The following PCDHGC3 variants were observed in gnomAD, a reference collection of about 807,000 sequenced individuals.
The protein encoded by PCDHGC3 is protocadherin gamma-C3.
A neutral mutation model predicts 59.2 loss-of-function variants in PCDHGC3; 26 were observed. The observed-to-expected ratio is 0.44, with a 90% CI of 0.32 to 0.61. The LOEUF is 0.61. Ranked by LOEUF, PCDHGC3 falls within the 20% of genes least tolerant of loss-of-function variation. PCDHGC3 has a pLI of 0.05. For synonymous variants in PCDHGC3, 487 were observed against 519.7 expected, an observed-to-expected ratio of 0.94 and a Z score of 0.86; for missense variants, 1,080 against 1,221.8, an observed-to-expected ratio of 0.88 and a Z score of 1.73.
chr5:141,495,465 G>T (rs563411010), intron 2 of PCDHGC3, among the ~76,000 whole-genome samples: 11 of 152,298 alleles, frequency 7.2e-5, no homozygotes, highest in African/African-American at 2.4e-4. Flanking sequence ...TGTCTGTGGG[G>T]TCTCCGTGTC....
At position 141,511,397 on chromosome 5, in the gene PCDHGC3, C is replaced by A; in HGVS notation, c.*224C>A. ...AGCAGTTCCGCTGGGAACCCCCATC[C>A]AATCAACTGCTGTACCCATGGGGGT... On this transcript the variant is annotated 3_prime_UTR_variant, in exon 4 of 4. Coordinates refer to ENST00000308177, the MANE Select transcript of PCDHGC3 (RefSeq NM_002588.4). 1.0e-6 allele frequency: 1 copy of A among 1,002,376 alleles called. No individual in the cohort carries two copies. The highest frequency in any genetic ancestry group is 1.4e-6 in the Non-Finnish European group (1 of 705,546). 62.1% of individuals were successfully genotyped at this position (1,002,376 alleles called of 1,614,324 possible). A position where few individuals can be genotyped will look rare whatever the true frequency, so the allele number is the denominator to read the frequency against.
At chr5:141,492,548 C>A (rs1028674110) in intron 1 of PCDHGC3, among the ~76,000 whole-genome samples, 1 of 152,218 alleles carries the variant, frequency 6.6e-6, no homozygotes, top group Non-Finnish European at 1.5e-5. Flanking sequence ...TGGGCCGGGT[C>A]GCCTGGGGGG....
At chr5:141,498,467 G>C (rs535351060) in intron 2 of PCDHGC3, among the ~76,000 whole-genome samples, 1 of 152,116 alleles carries the variant, frequency 6.6e-6, no homozygotes, top group East Asian at 1.9e-4. Context: ...GTCTAACCCT[G>C]GTTCCAGCCT....
In PCDHGC3 at chr5:141,477,041, C is replaced by A; in HGVS notation, c.925C>A (p.Arg309=). 3 of 1,614,242 alleles carry A rather than the reference C, an allele frequency of 1.9e-6. No individual in the cohort carries two copies. Among genetic ancestry groups the A allele is most frequent in the Admixed American group, 1.7e-5 (1 of 60,036 alleles). ...LVTGMLTIKG[R]LDFEDTKLHE... is the part of the protein sequence containing the mutation. Reference sequence around the variant, plus strand: ...AACCGGGATGCTGACAATCAAGGGTCGGCTGGACTTCGAGGACACCAAACT... The same window carrying A: ...AACCGGGATGCTGACAATCAAGGGTAGGCTGGACTTCGAGGACACCAAACT... The change falls in exon 1 of 4, where the codon CGG becomes AGG. Residue 309 remains arginine (R), a synonymous_variant. Transcript: ENST00000308177. The surrounding 1 kb of genome is among the most constrained non-coding windows in gnomAD (Gnocchi z 4.9).
In PCDHGC3 at chr5:141,487,574, C is replaced by T. The variant is rs753979217; in HGVS notation, c.2431-7233C>T. ...TGCACCTATGGCAGGGGAGCCTGTTCGCCCAAGCTGCCCACCCTCTGATCT... is the reference window on the plus strand; with the variant it reads ...TGCACCTATGGCAGGGGAGCCTGTTTGCCCAAGCTGCCCACCCTCTGATCT... On this transcript the variant is annotated intron_variant, in intron 1 of 3. Transcript: ENST00000308177. This position sits in a 1 kb window ranked among gnomAD's most constrained non-coding sequence, Gnocchi z 5.0. 1.2e-5 allele frequency: 20 copies of T among 1,614,040 alleles called. 1 individual carries two copies. The highest frequency in any genetic ancestry group is 8.9e-5 in the East Asian group (4 of 44,870).
chr5:141,505,418 A>T lies in PCDHGC3; in HGVS notation c.2515A>T (p.Thr839Ser). 1 of 1,614,186 alleles carries T rather than the reference A, an allele frequency of 6.2e-7. No homozygotes were observed. Among genetic ancestry groups the T allele is most frequent in the East Asian group, 2.2e-5 (1 of 44,876 alleles). The change falls in exon 3 of 4, where the codon ACC becomes TCC. Residue 839 changes from threonine to serine, a missense_variant. By Grantham distance (58) the Thr-to-Ser change is moderately conservative. Coordinates refer to ENST00000308177, the MANE Select transcript of PCDHGC3 (RefSeq NM_002588.4). ...SGSQNGDDTG[T>S]WPNNQFDTEM... ...CTCCCAAAATGGCGATGACACCGGC[A>T]CCTGGCCCAACAACCAGTTTGACAC...
rs1265422100 is a variant in PCDHGC3 at position 141,490,199 on chromosome 5, C to A, written c.2431-4608C>A. On this transcript the variant is annotated intron_variant, in intron 1 of 3. Transcript: ENST00000308177. This position sits in a 1 kb window ranked among gnomAD's most constrained non-coding sequence, Gnocchi z 5.4. The stretch of plus-strand genomic sequence containing the variant: ...GAGTCACGTTTCTATGAAATTCATG[C>A]AAGAGCCCGTGACCAGGGACAGCCT... The A allele has an allele frequency of 1.9e-6, 3 of 1,614,184 alleles. No homozygotes were observed. The highest frequency in any genetic ancestry group is 2.5e-6 in the Non-Finnish European group (3 of 1,180,024).
chr5:141,485,278 C>T lies in PCDHGC3; in HGVS notation c.2430+6732C>T. On this transcript the variant is annotated intron_variant, in intron 1 of 3. Transcript: ENST00000308177. The surrounding 1 kb of genome is among the most constrained non-coding windows in gnomAD (Gnocchi z 5.7). ...TTTGTGGGCAGATCCGCTACCCGGTCCCAGAGGAGTCACAGGAAGGGACTT... is the reference window on the plus strand; with the variant it reads ...TTTGTGGGCAGATCCGCTACCCGGTTCCAGAGGAGTCACAGGAAGGGACTT... 1 of 1,614,064 alleles carries T rather than the reference C, an allele frequency of 6.2e-7. No homozygotes were observed. The highest frequency in any genetic ancestry group is 1.1e-5 in the South Asian group (1 of 91,080).
Position 141,490,008 on chromosome 5 carries a change from C to T in PCDHGC3, c.2431-4799C>T. 6.2e-7 allele frequency: 1 copy of T among 1,614,230 alleles called. No homozygotes were observed. ...GTGTGGGAATCCCAGAGAATGCACC[C>T]ATTGGTACTCTGCTGCTCCGCCTCA... On this transcript the variant is annotated intron_variant, in intron 1 of 3. Transcript: ENST00000308177. This position sits in a 1 kb window ranked among gnomAD's most constrained non-coding sequence, Gnocchi z 5.4.
intron 3 of PCDHGC3, among the ~76,000 whole-genome samples, chr5:141,509,429 T>G (rs2099876771): frequency 6.6e-6 from 1 of 151,964 alleles, no homozygotes; most frequent in Non-Finnish European, 1.5e-5. Context: ...TGAGTCAAAC[T>G]CTTGTTTCCT....
intron 1 of PCDHGC3, among the ~76,000 whole-genome samples, chr5:141,483,432 A>G (rs756227206): frequency 2.0e-5 from 3 of 152,200 alleles, no homozygotes; most frequent in African/African-American, 4.8e-5. Flanking sequence ...GAGGGAGCTG[A>G]CTACAATAAA....
rs371139792 is a variant in PCDHGC3 at position 141,490,160 on chromosome 5, C to A, written c.2431-4647C>A. On this transcript the variant is annotated intron_variant, in intron 1 of 3. Transcript: ENST00000308177. This position sits in a 1 kb window ranked among gnomAD's most constrained non-coding sequence, Gnocchi z 5.4. The stretch of plus-strand genomic sequence containing the variant: ...AGTGGGGCAATCCATGTGTTGGGTC[C>A]CATAGACTTTGAGGAGTCACGTTTC... The A allele has an allele frequency of 5.6e-6, 9 of 1,614,192 alleles. No homozygotes were observed. The highest frequency in any genetic ancestry group is 7.6e-6 in the Non-Finnish European group (9 of 1,180,016).
intron 2 of PCDHGC3, among the ~76,000 whole-genome samples, chr5:141,495,262 A>G (rs550950979): frequency 1.3e-5 from 2 of 152,246 alleles, no homozygotes; most frequent in South Asian, 2.1e-4. Flanking sequence ...GCAGAAAAGC[A>G]TTTGACCGGA....
At position 141,490,646 on chromosome 5, in the gene PCDHGC3, C is replaced by G. The variant is rs202183643; in HGVS notation, c.2431-4161C>G. The G allele has an allele frequency of 8.7e-6, 14 of 1,614,068 alleles. No homozygotes were observed. In the African/African-American group the frequency reaches 1.7e-4, roughly 20 times the overall value. ...GCTTACATCCTAGAAAACCGGCCTC[C>G]GGGCTCCCTTCTTTGCACTGTGGCT... On this transcript the variant is annotated intron_variant, in intron 1 of 3. Coordinates refer to ENST00000308177, the MANE Select transcript of PCDHGC3 (RefSeq NM_002588.4). This position sits in a 1 kb window ranked among gnomAD's most constrained non-coding sequence, Gnocchi z 5.4.
chr5:141,494,832 G>T lies in PCDHGC3; in HGVS notation c.2456G>T (p.Arg819Leu). 1 of 1,614,066 alleles carries T rather than the reference G, an allele frequency of 6.2e-7. No homozygotes were observed. ...CAAGCCCCGCCCAACACGGACTGGCGTTTCTCTCAGGCCCAGAGACCCGGC... is the reference window on the plus strand; with the variant it reads ...CAAGCCCCGCCCAACACGGACTGGCTTTTCTCTCAGGCCCAGAGACCCGGC... The part of the protein sequence containing the change: ...GQQAPPNTDW[R>L]FSQAQRPGTS... The change falls in exon 2 of 4, where the codon CGT becomes CTT. Residue 819 changes from arginine to leucine, a missense_variant. Transcript: ENST00000308177.
chr5:141,479,703 C>T (rs1219257838), intron 1 of PCDHGC3: 1 of 152,182 alleles, frequency 6.6e-6, no homozygotes, highest in African/African-American at 2.4e-5. Context: ...AGTGTTAGTC[C>T]CTGTCCTTCC....
At position 141,486,481 on chromosome 5, in the gene PCDHGC3, T is replaced by C. The variant is rs1562112794; in HGVS notation, c.2430+7935T>C. 1 of 1,614,036 alleles carries C rather than the reference T, an allele frequency of 6.2e-7. No individual in the cohort carries two copies. The highest frequency in any genetic ancestry group is 8.5e-7 in the Non-Finnish European group (1 of 1,179,976). Reference sequence around the variant, plus strand: ...CTGATGCTGGGAACCCTCCTCTCAGTACCCACAGAACTATTTTCCTCAATA... The same window carrying C: ...CTGATGCTGGGAACCCTCCTCTCAGCACCCACAGAACTATTTTCCTCAATA... On this transcript the variant is annotated intron_variant, in intron 1 of 3. Coordinates refer to ENST00000308177, the MANE Select transcript of PCDHGC3 (RefSeq NM_002588.4). This position sits in a 1 kb window ranked among gnomAD's most constrained non-coding sequence, Gnocchi z 5.0.
Position 141,490,345 on chromosome 5 carries a change from G to C in PCDHGC3, c.2431-4462G>C, listed in dbSNP as rs2099698831. On this transcript the variant is annotated intron_variant, in intron 1 of 3. Coordinates refer to ENST00000308177, the MANE Select transcript of PCDHGC3 (RefSeq NM_002588.4). This position sits in a 1 kb window ranked among gnomAD's most constrained non-coding sequence, Gnocchi z 5.4. ...AGAGAGCACACCAGTGGGCACAGTA[G>C]TGGGGTTGTTTAATGTGCGAGACCG... is the stretch of plus-strand genomic sequence containing the variant. 1 of 1,614,216 alleles carries C rather than the reference G, an allele frequency of 6.2e-7. No homozygotes were observed. Among genetic ancestry groups the C allele is most frequent in the Non-Finnish European group, 8.5e-7 (1 of 1,180,034 alleles).
At chr5:141,495,356 C>A (rs889897990) in intron 2 of PCDHGC3, among the ~76,000 whole-genome samples, 3 of 152,222 alleles carry the variant, frequency 2.0e-5, no homozygotes, top group Non-Finnish European at 4.4e-5. Flanking sequence ...GGCAGCACAG[C>A]TGGAGGTGGA....
Sources: allele counts gnomAD v4.1 joint callset (sites outside exome capture counted in the v4.1 genomes callset), GRCh38; gene constraint gnomAD v4.1.1; non-coding constraint Gnocchi (gnomAD v3.1); transcripts MANE v1.5; gene names NCBI Gene and HGNC (gene_info 2026-07-23, HGNC 2026-07-21).